Variants in CHSY3 observed in about 807,000 individuals in gnomAD.
CHSY3 encodes N-acetylgalactosaminyl-proteoglycan 3-beta-glucuronosyltransferase 3.
A neutral mutation model predicts 67.2 loss-of-function variants in CHSY3; 35 were observed. The ratio of observed to expected loss-of-function variants is 0.52; its 90% confidence interval spans 0.40 to 0.69. The LOEUF is 0.69. CHSY3 is among the 30% of genes least tolerant of loss of function. The probability of loss-of-function intolerance (pLI) is 0.00; values close to 1 mark genes in which losing one functional copy is unlikely to be tolerated. For synonymous variants in CHSY3, 474 were observed against 434.7 expected, an observed-to-expected ratio of 1.09 and a Z score of -1.12; for missense variants, 1,069 against 1,138.5, an observed-to-expected ratio of 0.94 and a Z score of 0.88.
intron 2 of CHSY3, among the ~76,000 whole-genome samples, chr5:130,085,806 T>G (rs555405294): frequency 6.6e-6 from 1 of 152,290 alleles, no homozygotes; most frequent in Admixed American, 6.6e-5. Context: ...TCTAGTATGT[T>G]GTGTCTTTGT....
chr5:130,170,039 T>C (rs2149732254), intron 2 of CHSY3, among the ~76,000 whole-genome samples: 1 of 152,262 alleles, frequency 6.6e-6, no homozygotes, highest in Middle Eastern at 3.4e-3. Context: ...TACATGGGTA[T>C]GTTGTGTACT....
chr5:129,905,482 C>G lies in CHSY3; in HGVS notation c.653C>G (p.Pro218Arg), dbSNP rs756297912. The change falls in exon 1 of 3, where the codon CCG (proline) becomes CGG (arginine). Residue 218 changes from proline to arginine, a missense_variant. Coordinates refer to ENST00000305031, the MANE Select transcript of CHSY3 (RefSeq NM_175856.5). ...SQQPPNAGQP[P>R]PPLPVIALPG... ...CAGCCCCCCAACGCCGGCCAGCCCC[C>G]GCCACCCCTGCCTGTCATCGCGCTA... is the stretch of plus-strand genomic sequence containing the variant. 124 of 1,613,028 alleles carry G rather than the reference C, an allele frequency of 7.7e-5. No homozygotes were observed. Among genetic ancestry groups the G allele is most frequent in the South Asian group, 4.5e-4 (41 of 91,088 alleles).
At chr5:129,918,799 A>G (rs1760815599) in intron 2 of CHSY3, among the ~76,000 whole-genome samples, 1 of 108,604 alleles carries the variant, frequency 9.2e-6, no homozygotes, top group Non-Finnish European at 1.9e-5. Context: ...TAGATCAGTG[A>G]TTCTCTTTTA....
rs547522278 is a variant in CHSY3 at position 129,974,295 on chromosome 5, A to G, written c.1086+65935A>G. On this transcript the variant is annotated intron_variant, in intron 2 of 2. Transcript: ENST00000305031. ...CAGTCTGGCTGTGCAGATTATCACC[A>G]TAGAAAGGATAACTCAACTGACCCT... 5.9e-5 allele frequency among the ~76,000 whole-genome samples: 9 copies of G among 152,208 alleles called. No homozygotes were observed. The South Asian group carries it at 1.7e-3, about 28-fold the overall frequency.
chr5:129,923,519 G>C (rs1226349578), intron 2 of CHSY3, among the ~76,000 whole-genome samples: 1 of 152,134 alleles, frequency 6.6e-6, no homozygotes, highest in Non-Finnish European at 1.5e-5. Flanking sequence ...TTTATAATGG[G>C]AAAGACAAAA....
At chr5:129,926,898 A>G (rs1034481725) in intron 2 of CHSY3, among the ~76,000 whole-genome samples, 21 of 151,946 alleles carry the variant, frequency 1.4e-4, no homozygotes, top group African/African-American at 4.3e-4. Context: ...CACCTGGTCA[A>G]GTGTATAAAT....
intron 2 of CHSY3, among the ~76,000 whole-genome samples, chr5:129,963,707 T>G (rs1762396773): frequency 6.6e-6 from 1 of 151,998 alleles, no homozygotes; most frequent in South Asian, 2.1e-4. Context: ...TTTGAATGTT[T>G]CTTATGTCAT....
chr5:129,929,708 T>G (rs2149587824), intron 2 of CHSY3, among the ~76,000 whole-genome samples: 1 of 152,346 alleles, frequency 6.6e-6, no homozygotes, highest in South Asian at 2.1e-4. Flanking sequence ...CTCCAGGAAT[T>G]TTTAACATTA....
intron 2 of CHSY3, among the ~76,000 whole-genome samples, chr5:130,041,552 G>A (rs1378836768): frequency 6.6e-6 from 1 of 152,052 alleles, no homozygotes; most frequent in Non-Finnish European, 1.5e-5. Flanking sequence ...CATATAAACT[G>A]AGAAAACGAT....
chr5:129,921,825 A>G (rs565731907), intron 2 of CHSY3, among the ~76,000 whole-genome samples: 46 of 152,224 alleles, frequency 3.0e-4, no homozygotes, highest in African/African-American at 1.1e-3. Flanking sequence ...CAGGCCTTTT[A>G]TCATTTCTTT....
intron 2 of CHSY3, among the ~76,000 whole-genome samples, chr5:130,056,135 T>C (rs763734173): frequency 6.6e-6 from 1 of 152,140 alleles, no homozygotes; most frequent in African/African-American, 2.4e-5. Context: ...CCTATGTGCA[T>C]CCTAACTTCT....
rs1487419187 is a variant in CHSY3 at position 130,020,451 on chromosome 5, ATATATATATATTTTTTTTT to A, written c.1086+112093_1086+112111del. Reference sequence around the variant, plus strand: ...TATATATATATATATATATATATATATATATATATATTTTTTTTTTTTTTTTTTCCTCTGGCTCCTCCAC... The same window carrying A: ...TATATATATATATATATATATATATATTTTTTTTTCCTCTGGCTCCTCCAC... On this transcript the variant is annotated intron_variant, in intron 2 of 2. Coordinates refer to ENST00000305031, the MANE Select transcript of CHSY3 (RefSeq NM_175856.5). 6.8e-3 allele frequency among the ~76,000 whole-genome samples: 95 copies of A among 13,894 alleles called. 3 individuals are homozygous for A. Among genetic ancestry groups the A allele is most frequent in the African/African-American group, 0.036 (77 of 2,160 alleles). 9.1% of individuals were successfully genotyped at this position (13,894 alleles called of 152,430 possible).
chr5:130,063,241 G>A (rs1765769528), intron 2 of CHSY3, among the ~76,000 whole-genome samples: 1 of 152,028 alleles, frequency 6.6e-6, no homozygotes, highest in African/African-American at 2.4e-5. Context: ...TGGGGGTGGG[G>A]AGAGTAGCTG....
intron 2 of CHSY3, among the ~76,000 whole-genome samples, chr5:130,179,375 A>G (rs968049747): frequency 6.6e-6 from 1 of 151,722 alleles, no homozygotes; most frequent in African/African-American, 2.4e-5. Context: ...TTCTTAGCCT[A>G]CCCTCCTATC....
Position 130,185,290 on chromosome 5 carries a change from T to C in CHSY3, c.2148T>C (p.Phe716=). The C allele has an allele frequency of 6.2e-7, 1 of 1,611,688 alleles. No individual in the cohort carries two copies. The highest frequency in any genetic ancestry group is 8.5e-7 in the Non-Finnish European group (1 of 1,177,844). The change falls in exon 3 of 3, where the codon TTT becomes TTC. Residue 716 remains phenylalanine, a synonymous_variant. Coordinates refer to ENST00000305031, the MANE Select transcript of CHSY3 (RefSeq NM_175856.5). ...AQFDNDTLLL[F]CDVDLIFRED... is the part of the protein sequence containing the mutation. ...TTGACAATGACACTTTGCTGCTATT[T>C]TGTGATGTTGACTTGATCTTCAGAG...
intron 2 of CHSY3, among the ~76,000 whole-genome samples, chr5:130,110,062 C>T (rs949572634): frequency 1.3e-5 from 2 of 151,814 alleles, no homozygotes; most frequent in African/African-American, 4.8e-5. Flanking sequence ...TCTGCAACTA[C>T]TCTGATAAAG....
intron 2 of CHSY3, among the ~76,000 whole-genome samples, chr5:130,162,779 C>T (rs1327145990): frequency 1.3e-5 from 2 of 152,138 alleles, no homozygotes; most frequent in Non-Finnish European, 2.9e-5. Context: ...TGAGGAAGGA[C>T]ACCCTAAGAA....
At chr5:130,007,888 C>T (rs10477713) in intron 2 of CHSY3, among the ~76,000 whole-genome samples, 49,273 of 151,958 alleles carry the variant, frequency 0.32, 8,219 homozygotes, top group South Asian at 0.44. Flanking sequence ...CTGGCCACAC[C>T]CTCTTGCAGC....
At chr5:130,123,599 G>A (rs1267387882) in intron 2 of CHSY3, among the ~76,000 whole-genome samples, 1 of 152,164 alleles carries the variant, frequency 6.6e-6, no homozygotes, top group Non-Finnish European at 1.5e-5. Flanking sequence ...ACACCTTCCA[G>A]TCTGTGGCCT....
Sources: gnomAD v4.1 joint callset for allele counts (sites outside exome capture counted in the v4.1 genomes callset) on GRCh38, gnomAD v4.1.1 for gene constraint, MANE v1.5 for transcripts, NCBI Gene and HGNC (gene_info 2026-07-23, HGNC 2026-07-21) for gene names.